FNDC3B: variants seen among roughly 807,000 people sequenced by gnomAD.
FNDC3B encodes the protein fibronectin type III domain-containing protein 3B.
In FNDC3B, 12 loss-of-function variants were observed where a neutral mutation model predicts 151.5. That is an observed-to-expected ratio of 0.08 (90% CI 0.05 to 0.13). The LOEUF (loss-of-function observed/expected upper bound fraction) is 0.13. FNDC3B is among the 10% of genes least tolerant of loss of function. FNDC3B has a pLI of 1.00. For synonymous variants in FNDC3B, 528 were observed against 549.0 expected (o/e 0.96, Z 0.54); for missense variants, 1,214 against 1,505.3 (o/e 0.81, Z 3.20).
intron 2 of FNDC3B, among the ~76,000 whole-genome samples, chr3:172,119,915 G>A (rs969223459): frequency 5.9e-5 from 9 of 152,102 alleles, no homozygotes; most frequent in Non-Finnish European, 1.0e-4. Flanking sequence ...TGCTTTGAGG[G>A]CCTCCTTTTA....
At chr3:172,085,246 A>T (rs767209503) in intron 1 of FNDC3B, among the ~76,000 whole-genome samples, 1 of 152,204 alleles carries the variant, frequency 6.6e-6, no homozygotes, top group African/African-American at 2.4e-5. Flanking sequence ...AGAGTGTTTT[A>T]AAAACTTTGC....
At chr3:172,114,661 G>C (rs1660904509) in intron 2 of FNDC3B, among the ~76,000 whole-genome samples, 1 of 152,212 alleles carries the variant, frequency 6.6e-6, no homozygotes, top group Non-Finnish European at 1.5e-5. Context: ...TGAAGTAGGA[G>C]AATCCCTTGA....
At chr3:172,108,167 CAAAAAAAAGAAA>C (rs1317646074) in intron 1 of FNDC3B, among the ~76,000 whole-genome samples, 1 of 137,428 alleles carries the variant, frequency 7.3e-6, no homozygotes, top group African/African-American at 3.1e-5. Flanking sequence ...GACTCTGTCT[CAAAAAAAAGAAA>C]AAAAAAAAGT....
intron 6 of FNDC3B, among the ~76,000 whole-genome samples, chr3:172,282,607 T>A (rs1367939223): frequency 6.6e-6 from 1 of 152,222 alleles, no homozygotes; most frequent in Non-Finnish European, 1.5e-5. Context: ...TTTGACAACC[T>A]TTTCTAAGTT....
chr3:172,112,162 C>T (rs1001254707), intron 1 of FNDC3B, among the ~76,000 whole-genome samples: 14 of 152,142 alleles, frequency 9.2e-5, no homozygotes, highest in African/African-American at 3.4e-4. Context: ...ATAGAAACAA[C>T]GGAATCTACC....
At chr3:172,059,412 G>A (rs186676611) in intron 1 of FNDC3B, among the ~76,000 whole-genome samples, 43 of 152,182 alleles carry the variant, frequency 2.8e-4, no homozygotes, top group Non-Finnish European at 4.9e-4. Flanking sequence ...ATGGCATGGG[G>A]GAATTTGAAG....
intron 1 of FNDC3B, among the ~76,000 whole-genome samples, chr3:172,044,251 TGATTTTGTATGGAATAGTGAAAATTCCAA>T (rs60824312): frequency 0.069 from 10,385 of 150,766 alleles, 1,001 homozygotes; most frequent in African/African-American, 0.21. Flanking sequence ...AACAACTTTC[TGATTTTGTATGGAATAGTGAAAATTCCAA>T]CTCTTTTTTT....
intron 11 of FNDC3B, chr3:172,316,328 A>G (rs533437360): frequency 4.5e-6 from 2 of 444,046 alleles, no homozygotes; most frequent in Middle Eastern, 3.4e-4. Flanking sequence ...ACATATCACT[A>G]TCTAGCAGAG....
intron 11 of FNDC3B, among the ~76,000 whole-genome samples, chr3:172,328,104 C>G (rs1441620838): frequency 6.6e-6 from 1 of 152,186 alleles, no homozygotes; most frequent in African/African-American, 2.4e-5. Context: ...ACTTGTTGAA[C>G]CTAATACGAG....
At chr3:172,395,859 T>G (rs996775330) in intron 25 of FNDC3B, among the ~76,000 whole-genome samples, 2 of 152,258 alleles carry the variant, frequency 1.3e-5, no homozygotes, top group Middle Eastern at 3.4e-3. Flanking sequence ...ATCACAGAAA[T>G]GCAGTCGTGG....
At chr3:172,303,715 G>A (rs1449143466) in intron 9 of FNDC3B, among the ~76,000 whole-genome samples, 2 of 120,984 alleles carry the variant, frequency 1.7e-5, no homozygotes, top group African/African-American at 4.1e-5. Context: ...AAAACTCATT[G>A]CCATTATGTG....
chr3:172,348,214 A>T (rs907236058), intron 21 of FNDC3B, among the ~76,000 whole-genome samples: 10 of 152,238 alleles, frequency 6.6e-5, no homozygotes, highest in African/African-American at 2.4e-4. Context: ...TGCCAAAGTC[A>T]AGTTCCCACC....
intron 1 of FNDC3B, among the ~76,000 whole-genome samples, chr3:172,100,415 TTATC>T (rs1186163766): frequency 1.3e-5 from 2 of 152,226 alleles, no homozygotes; most frequent in African/African-American, 4.8e-5. Context: ...ATTATCATTC[TTATC>T]TATTAAATAA....
At chr3:172,338,144 T>C (rs1298520585) in intron 16 of FNDC3B, 1 of 151,950 alleles carries the variant, frequency 6.6e-6, no homozygotes, top group African/African-American at 2.4e-5. Context: ...TGAAACCCCG[T>C]CTCTACTAAA....
chr3:172,117,126 T>C (rs945335232), intron 2 of FNDC3B, among the ~76,000 whole-genome samples: 3 of 152,226 alleles, frequency 2.0e-5, no homozygotes, highest in African/African-American at 7.2e-5. Flanking sequence ...TAGCTTTATT[T>C]TGAAGTATTA....
At chr3:172,321,419 T>C (rs931839521) in intron 11 of FNDC3B, among the ~76,000 whole-genome samples, 4 of 152,260 alleles carry the variant, frequency 2.6e-5, no homozygotes, top group Non-Finnish European at 5.9e-5. Flanking sequence ...AAAATAACTT[T>C]TAAAATTATT....
At chr3:172,308,372 C>G (rs1389709786) in intron 10 of FNDC3B, among the ~76,000 whole-genome samples, 1 of 151,984 alleles carries the variant, frequency 6.6e-6, no homozygotes, top group African/African-American at 2.4e-5. Context: ...AGTTATTTCT[C>G]TACATCAATA....
At chr3:172,101,805 TC>T (rs1406107431) in intron 1 of FNDC3B, among the ~76,000 whole-genome samples, 3 of 152,180 alleles carry the variant, frequency 2.0e-5, no homozygotes, top group Admixed American at 2.0e-4. Flanking sequence ...GCTAGTTTTT[TC>T]CCCCCTCTAA....
intron 2 of FNDC3B, among the ~76,000 whole-genome samples, chr3:172,117,111 T>C (rs546484306): frequency 5.9e-5 from 9 of 152,352 alleles, no homozygotes; most frequent in African/African-American, 1.7e-4. Context: ...AAAAGTGAAA[T>C]TGAGTAGCTT....
Sources: gnomAD v4.1 joint callset for allele counts (sites outside exome capture counted in the v4.1 genomes callset) on GRCh38, gnomAD v4.1.1 for gene constraint, MANE v1.5 for transcripts, NCBI Gene and HGNC (gene_info 2026-07-23, HGNC 2026-07-21) for gene names.